The following NECTIN1 variants were observed in gnomAD, a reference collection of about 807,000 sequenced individuals.
The protein encoded by NECTIN1 is nectin cell adhesion molecule 1.
Under a neutral mutation model 48.0 loss-of-function variants are expected in NECTIN1, and 23 were observed. The observed-to-expected ratio is 0.48, with a 90% confidence interval of 0.34 to 0.68. The LOEUF (loss-of-function observed/expected upper bound fraction) is 0.68, where lower values mean the gene tolerates loss of function less well. NECTIN1 is among the 30% of genes least tolerant of loss of function. The probability of loss-of-function intolerance (pLI) is 0.01; values close to 1 mark genes in which losing one functional copy is unlikely to be tolerated. For synonymous variants in NECTIN1, 270 were observed against 288.9 expected, an observed-to-expected ratio of 0.93 and a Z score of 0.66; for missense variants, 591 against 709.9, an observed-to-expected ratio of 0.83 and a Z score of 1.90.
At chr11:119,638,680 T>C (rs773237693) in intron 7 of NECTIN1, 11 of 1,530,352 alleles carry the variant, frequency 7.2e-6, no homozygotes, top group Admixed American at 1.7e-5. Flanking sequence ...TCTCCCATTT[T>C]TCTCCCTCCC....
At chr11:119,679,132 A>T (rs1197474907) in intron 1 of NECTIN1, among the ~76,000 whole-genome samples, 2 of 152,224 alleles carry the variant, frequency 1.3e-5, no homozygotes, top group African/African-American at 4.8e-5. Flanking sequence ...CTGTGTTAGT[A>T]AACATACGTC....
chr11:119,693,423 CT>C (rs1865293867), intron 1 of NECTIN1, among the ~76,000 whole-genome samples: 4 of 152,360 alleles, frequency 2.6e-5, no homozygotes, highest in Middle Eastern at 3.4e-3. Flanking sequence ...CTCATTTAAT[CT>C]TCACAACTAC....
At chr11:119,718,195 G>A (rs1865776087) in intron 1 of NECTIN1, among the ~76,000 whole-genome samples, 1 of 152,168 alleles carries the variant, frequency 6.6e-6, no homozygotes, top group African/African-American at 2.4e-5. Context: ...TCTGCACAGG[G>A]ACTGTCTGAA....
chr11:119,702,430 G>A lies in NECTIN1; in HGVS notation c.80-23665C>T, dbSNP rs1013836464. On this transcript the variant is annotated intron_variant, in intron 1 of 5. Coordinates refer to ENST00000264025, the MANE Select transcript of NECTIN1 (RefSeq NM_002855.5). ...AGCCACCGCCAGATGCCATCAAGGC[G>A]AGTCCAGGGCTGTGGCTGAGGCCAT... 4.3e-4 allele frequency among the ~76,000 whole-genome samples: 66 copies of A among 152,234 alleles called. 1 individual carries two copies. The highest frequency in any genetic ancestry group is 1.5e-3 in the African/African-American group (64 of 41,468).
At chr11:119,679,025 C>T (rs1243377227) in intron 1 of NECTIN1, among the ~76,000 whole-genome samples, 4 of 152,204 alleles carry the variant, frequency 2.6e-5, no homozygotes, top group Admixed American at 1.3e-4. Context: ...TGTGTATATC[C>T]ACATAACCAT....
At chr11:119,689,889 A>G (rs1438259154) in intron 1 of NECTIN1, among the ~76,000 whole-genome samples, 1 of 152,276 alleles carries the variant, frequency 6.6e-6, no homozygotes, top group East Asian at 1.9e-4. Flanking sequence ...ACCTGCTTCC[A>G]AAGCAGCTTG....
intron 5 of NECTIN1, among the ~76,000 whole-genome samples, chr11:119,647,623 C>G (rs973249705): frequency 6.6e-6 from 1 of 152,030 alleles, no homozygotes. Context: ...CTATCTGCTT[C>G]TCACAAAGAT....
In NECTIN1 at chr11:119,721,400, G is replaced by A. The variant is rs577239864; in HGVS notation, c.79+7075C>T. Among the ~76,000 whole-genome samples, 5 of 152,328 alleles carry A rather than the reference G, an allele frequency of 3.3e-5. No homozygotes were observed. In the East Asian group the frequency reaches 9.6e-4, roughly 29 times the overall value. ...CTCAGACTCCCAGTGGGACATTCTG[G>A]TGCCCAAGGCCACTGGCCTGTTTTG... On this transcript the variant is annotated intron_variant, in intron 1 of 5. Coordinates refer to ENST00000264025, the MANE Select transcript of NECTIN1 (RefSeq NM_002855.5).
rs560056300 is a variant in NECTIN1 at position 119,663,525 on chromosome 11, T to C, written c.*1222A>G. The C allele has an allele frequency of 1.4e-4, 134 of 985,488 alleles. No homozygotes were observed. In the African/African-American group the frequency reaches 1.5e-3, roughly 11 times the overall value. The allele number at this position is 985,488 out of a possible 1,614,324, so 61.0% of individuals were successfully genotyped here. A position where few individuals can be genotyped will look rare whatever the true frequency, so the allele number is the denominator to read the frequency against. ...TCTGCCAGGCCCGAGGCTTTGACAA[T>C]GGCCTTTGTGTGTGAGGCATTGTAT... is the stretch of plus-strand genomic sequence containing the variant. On this transcript the variant is annotated 3_prime_UTR_variant, in exon 6 of 6. Coordinates refer to ENST00000264025, the MANE Select transcript of NECTIN1 (RefSeq NM_002855.5).
intron 5 of NECTIN1, chr11:119,653,893 C>A (rs1053118048): frequency 6.6e-6 from 1 of 152,118 alleles, no homozygotes; most frequent in Non-Finnish European, 1.5e-5. Flanking sequence ...AGTCTACTCA[C>A]GTAGATTGAG....
chr11:119,656,085 C>G (rs753202789), downstream of NECTIN1, among the ~76,000 whole-genome samples: 1 of 152,108 alleles, frequency 6.6e-6, no homozygotes, highest in Non-Finnish European at 1.5e-5. Context: ...TGTAGAGATG[C>G]AAGTCTCGCT....
intron 5 of NECTIN1, among the ~76,000 whole-genome samples, chr11:119,655,917 A>G (rs1045317286): frequency 6.6e-6 from 1 of 152,098 alleles, no homozygotes; most frequent in African/African-American, 2.4e-5. Flanking sequence ...TTATTTTAAG[A>G]CACAAGATCT....
downstream of NECTIN1, among the ~76,000 whole-genome samples, chr11:119,657,275 C>T (rs1261042379): frequency 6.6e-6 from 1 of 152,150 alleles, no homozygotes; most frequent in African/African-American, 2.4e-5. Flanking sequence ...CGGCCTCTTC[C>T]TCCACGCTGG....
Position 119,683,936 on chromosome 11 carries a change from C to A in NECTIN1, c.80-5171G>T, listed in dbSNP as rs1865108400. ...CCAGCATGACGGGCCTCAGGCCGGC[C>A]CCCTGAGACGTCACAGACCTGCAAA... On this transcript the variant is annotated intron_variant, in intron 1 of 5. Transcript: ENST00000264025. The surrounding 1 kb of genome is among the most constrained non-coding windows in gnomAD (Gnocchi z 4.0). Among the ~76,000 whole-genome samples, 2 of 151,980 alleles carry A rather than the reference C, an allele frequency of 1.3e-5. No individual in the cohort carries two copies. Among genetic ancestry groups the A allele is most frequent in the South Asian group, 4.1e-4 (2 of 4,820 alleles).
chr11:119,654,244 TATTCATCCATCCATCC>T (rs1288016788), intron 5 of NECTIN1: 5 of 134,190 alleles, frequency 3.7e-5, no homozygotes, highest in Non-Finnish European at 8.0e-5. Context: ...CCCATCTGAA[TATTCATCCATCCATCC>T]ATCCATCCAT....
chr11:119,667,165 T>C (rs1355594059), intron 5 of NECTIN1, among the ~76,000 whole-genome samples: 1 of 152,172 alleles, frequency 6.6e-6, no homozygotes, highest in African/African-American at 2.4e-5. Context: ...AGGTCCCATC[T>C]GTTTACCGCC....
chr11:119,692,411 A>ATGTGTGTGTGTGTGTGTGTGTG lies in NECTIN1; in HGVS notation c.80-13647_80-13646insCACACACACACACACACACACA, dbSNP rs60998928. 5.8e-4 allele frequency among the ~76,000 whole-genome samples: 82 copies of ATGTGTGTGTGTGTGTGTGTGTG among 142,516 alleles called. No individual in the cohort carries two copies. In the East Asian group the frequency reaches 0.011, roughly 20 times the overall value. The allele number at this position is 142,516 out of a possible 152,430, so 93.5% of individuals were successfully genotyped here. The stretch of plus-strand genomic sequence containing the variant: ...AGCCGAGAAGTGGCTTGTGGCAGTG[A>ATGTGTGTGTGTGTGTGTGTGTG]TGTGTGTGTGTGTGTGTGTGGGTGG... On this transcript the variant is annotated intron_variant, in intron 1 of 5. Coordinates refer to ENST00000264025, the MANE Select transcript of NECTIN1 (RefSeq NM_002855.5).
intron 5 of NECTIN1, among the ~76,000 whole-genome samples, chr11:119,649,458 C>T (rs903738590): frequency 5.3e-5 from 8 of 151,112 alleles, no homozygotes; most frequent in Non-Finnish European, 1.0e-4. Context: ...GAGGTCAAGG[C>T]GGGTGGATTG....
At chr11:119,644,068 C>T (rs1376297581) in intron 5 of NECTIN1, among the ~76,000 whole-genome samples, 2 of 152,216 alleles carry the variant, frequency 1.3e-5, no homozygotes, top group African/African-American at 2.4e-5. Context: ...CAATGGCTTC[C>T]CTGGGAGAGC....
Sources: allele counts gnomAD v4.1 joint callset (sites outside exome capture counted in the v4.1 genomes callset), GRCh38; gene constraint gnomAD v4.1.1; non-coding constraint Gnocchi (gnomAD v3.1); transcripts MANE v1.5; gene names NCBI Gene and HGNC (gene_info 2026-07-23, HGNC 2026-07-21).